The following RNF17 variants were observed in gnomAD, a reference collection of about 807,000 sequenced individuals.
The protein encoded by RNF17 is ring finger protein 17, also known as spermatogenesis associated 23.
RNF17 carries 31 observed loss-of-function variants against 200.5 expected under a neutral mutation model. The observed-to-expected ratio is 0.15, with a 90% confidence interval of 0.12 to 0.21. RNF17 has a LOEUF of 0.21. Ranked by LOEUF, RNF17 falls within the 10% of genes least tolerant of loss-of-function variation. RNF17 has a pLI of 1.00. For synonymous variants in RNF17, 606 were observed against 637.8 expected, an observed-to-expected ratio of 0.95 and a Z score of 0.75; for missense variants, 1,628 against 1,905.1, an observed-to-expected ratio of 0.85 and a Z score of 2.71.
intron 2 of RNF17, among the ~76,000 whole-genome samples, chr13:24,771,970 C>T (rs1324792951): frequency 6.6e-6 from 1 of 152,176 alleles, no homozygotes; most frequent in East Asian, 1.9e-4. Flanking sequence ...CACTATTGCA[C>T]TCCAGCCTGG....
intron 15 of RNF17, among the ~76,000 whole-genome samples, chr13:24,820,503 T>C (rs1306173453): frequency 6.6e-6 from 1 of 152,092 alleles, no homozygotes; most frequent in Admixed American, 6.6e-5. Context: ...TGGTGCGATC[T>C]TGGCTCACGG....
At chr13:24,851,301 A>G (rs1891867897) in intron 23 of RNF17, among the ~76,000 whole-genome samples, 155 bp from the exon 24 acceptor site, 1 of 152,178 alleles carries the variant, frequency 6.6e-6, no homozygotes. Context: ...GCCCAGTGCT[A>G]TTTTTGGATG....
chr13:24,842,918 C>T (rs3759458), intron 19 of RNF17, among the ~76,000 whole-genome samples: 8,575 of 151,066 alleles, frequency 0.057, 340 homozygotes, highest in South Asian at 0.14. Flanking sequence ...ACCCAGGAGG[C>T]GGAGGTTGCA....
At chr13:24,764,053 C>T, upstream of RNF17, 2 of 686,172 alleles carry the variant, frequency 2.9e-6, no homozygotes, top group East Asian at 2.6e-5. Context: ...GAAAACAGCC[C>T]CAGCCCCATC....
At chr13:24,851,192 C>T (rs1034509105) in intron 23 of RNF17, among the ~76,000 whole-genome samples, 3 of 152,184 alleles carry the variant, frequency 2.0e-5, no homozygotes, top group Non-Finnish European at 2.9e-5. Flanking sequence ...CGGGGTTTCC[C>T]CATGTTGGTC....
At chr13:24,876,409 T>C (rs1217701526) in intron 33 of RNF17, among the ~76,000 whole-genome samples, 1 of 152,064 alleles carries the variant, frequency 6.6e-6, no homozygotes, top group Non-Finnish European at 1.5e-5. Flanking sequence ...ATTTATCTCT[T>C]TGAGTACCTT....
At chr13:24,765,936 A>G (rs35826497) in intron 1 of RNF17, among the ~76,000 whole-genome samples, 35,427 of 152,218 alleles carry the variant, frequency 0.23, 4,682 homozygotes, top group East Asian at 0.4. Flanking sequence ...AAAAAATACA[A>G]TTAATGCAAG....
rs150671775 is a variant in RNF17, at chr13:24,873,415, T to C, written c.4448-699T>C. Among the ~76,000 whole-genome samples, 124 of 152,366 alleles carry C rather than the reference T, an allele frequency of 8.1e-4. 1 individual carries two copies. Among genetic ancestry groups the C allele is most frequent in the African/African-American group, 3.0e-3 (123 of 41,590 alleles). On this transcript the variant is annotated intron_variant, in intron 32 of 35. Transcript: ENST00000255324. The stretch of plus-strand genomic sequence containing the variant: ...CCTATATTTGTTACATTTTCTTCTT[T>C]GTACTTTTCTGTATTAAACATTTTT...
intron 19 of RNF17, 80 bp downstream of exon 19, chr13:24,842,241 C>A: frequency 7.9e-7 from 1 of 1,261,006 alleles, no homozygotes. Flanking sequence ...ACTGGCATAT[C>A]ATTCCCCATT....
At chr13:24,793,551 A>G (rs1208536942) in intron 10 of RNF17, among the ~76,000 whole-genome samples, 1 of 152,200 alleles carries the variant, frequency 6.6e-6, no homozygotes, top group Non-Finnish European at 1.5e-5. Context: ...GCAGTAATAT[A>G]GCTAACCTCT....
intron 6 of RNF17, among the ~76,000 whole-genome samples, chr13:24,784,775 C>T (rs962388318): frequency 1.3e-5 from 2 of 152,054 alleles, no homozygotes; most frequent in African/African-American, 2.4e-5. Flanking sequence ...GGCGCGACCT[C>T]GGCTCACCAG....
At position 24,877,101 on chromosome 13, in the gene RNF17, T is replaced by C. The variant is rs756136180; in HGVS notation, c.4688T>C (p.Ile1563Thr). 1 of 1,613,472 alleles carries C rather than the reference T, an allele frequency of 6.2e-7. No individual in the cohort carries two copies. Among genetic ancestry groups the C allele is most frequent in the African/African-American group, 1.3e-5 (1 of 74,992 alleles). ...TTAAGGGATCTAGGGGAGACAAGAA[T>C]ACCATATTGTCCCAAATGGAGCATG... ...PPLRDLGETR[I>T]PYCPKWSMEA... The change falls in exon 34 of 36, where the codon ATA becomes ACA. Residue 1563 changes from isoleucine (I) to threonine (T), a missense_variant. Transcript: ENST00000255324.
chr13:24,752,618 G>A, the RNF17 span, among the ~76,000 whole-genome samples: 1 of 152,226 alleles, frequency 6.6e-6, no homozygotes, highest in African/African-American at 2.4e-5. Flanking sequence ...ATAATTAAAG[G>A]ATGTCATTTG....
chr13:24,774,728 T>G, intron 2 of RNF17, 85 bp from the exon 3 acceptor site: 1 of 709,794 alleles, frequency 1.4e-6, no homozygotes, highest in East Asian at 2.8e-5. Flanking sequence ...ACTTTATGAA[T>G]AGCACACTTA....
intron 2 of RNF17, among the ~76,000 whole-genome samples, chr13:24,771,708 C>A (rs148001848): frequency 6.7e-6 from 1 of 149,924 alleles, no homozygotes; most frequent in South Asian, 2.1e-4. Flanking sequence ...TCAATACTTA[C>A]GTTTTTTTAA....
intron 21 of RNF17, 75 bp from the exon 22 acceptor site, chr13:24,844,886 T>C (rs894418319): frequency 7.0e-6 from 11 of 1,563,002 alleles, no homozygotes; most frequent in South Asian, 4.6e-5. Flanking sequence ...ACAGTTTTCA[T>C]TGAGTTTTTC....
At chr13:24,825,240 C>G (rs374110408) in intron 15 of RNF17, among the ~76,000 whole-genome samples, 2 of 151,912 alleles carry the variant, frequency 1.3e-5, no homozygotes, top group Non-Finnish European at 2.9e-5. Flanking sequence ...TAAATGTGAG[C>G]TAGAAATACT....
At position 24,861,379 on chromosome 13, in the gene RNF17, AC is replaced by A; in HGVS notation, c.3888del (p.Thr1297HisfsTer12). On this transcript the variant is annotated frameshift_variant, in exon 27 of 36. Coordinates refer to ENST00000255324, the MANE Select transcript of RNF17 (RefSeq NM_031277.3). LOFTEE classifies it high-confidence loss of function. Reference protein sequence around the residue: ...QFCIPCQLHNTTPVGNVWQPD... With the variant: ...QFCIPCQLHNXTPVGNVWQPD... ...TTGTATTCCTTGTCAGCTCCATAAT[AC>A]CACACCTGTGAGTACATAATAATTT... 1 of 1,553,720 alleles carries A rather than the reference AC, an allele frequency of 6.4e-7. No individual in the cohort carries two copies. The highest frequency in any genetic ancestry group is 8.7e-7 in the Non-Finnish European group (1 of 1,144,212).
In RNF17 at chr13:24,782,509, C is replaced by T. The variant is rs78042173; in HGVS notation, c.611+565C>T. Among the ~76,000 whole-genome samples the T allele has an allele frequency of 7.5e-3, 1,136 of 152,118 alleles. 16 individuals carry two copies. The highest frequency in any genetic ancestry group is 0.025 in the African/African-American group (1,049 of 41,476). ...AACGGTGCCCAGCTGAAGCTGTTAA[C>T]TGTTAAAGTAAACAAGCTTGAGCCA... On this transcript the variant is annotated intron_variant, in intron 6 of 35. Transcript: ENST00000255324.
Sources: allele counts gnomAD v4.1 joint callset (sites outside exome capture counted in the v4.1 genomes callset), GRCh38; gene constraint gnomAD v4.1.1; transcripts MANE v1.5; gene names NCBI Gene and HGNC (gene_info 2026-07-23, HGNC 2026-07-21).